SMC1B: variants seen among roughly 807,000 people sequenced by gnomAD.
SMC1B encodes the protein structural maintenance of chromosomes protein 1B.
Under a neutral mutation model 157.9 loss-of-function variants are expected in SMC1B, and 60 were observed. The ratio of observed to expected loss-of-function variants is 0.38; its 90% CI spans 0.31 to 0.47. The LOEUF (loss-of-function observed/expected upper bound fraction) is 0.47. SMC1B is among the 20% of genes least tolerant of loss of function. SMC1B has a pLI of 0.99. For synonymous variants in SMC1B, 445 were observed against 483.0 expected (o/e 0.92, Z 1.03); for missense variants, 1,165 against 1,426.2 (o/e 0.82, Z 2.95).
intron 5 of SMC1B, among the ~76,000 whole-genome samples, chr22:45,402,073 C>A (rs2087201767): frequency 1.3e-5 from 2 of 151,982 alleles, no homozygotes; most frequent in African/African-American, 4.8e-5. Flanking sequence ...TTAGTAGAGA[C>A]GGGGTTTCAC....
rs368003671 is a variant in SMC1B at position 45,393,880 on chromosome 22, C to G, written c.1338-39G>C. ...ACAAATTATACAGCAAAATGATAAA[C>G]CAAAATTTAGGAATTACCAGGTACA... is the stretch of plus-strand genomic sequence containing the variant. On this transcript the variant is annotated intron_variant, in intron 8 of 24. Transcript: ENST00000357450. 94 of 1,490,284 alleles carry G rather than the reference C, an allele frequency of 6.3e-5. No individual in the cohort carries two copies. The African/African-American group carries it at 1.0e-3, about 16-fold the overall frequency. The allele number at this position is 1,490,284 out of a possible 1,614,324, so 92.3% of individuals were successfully genotyped here. A position where few individuals can be genotyped will look rare whatever the true frequency, so the allele number is the denominator to read the frequency against.
chr22:45,366,689 G>A (rs6006735), intron 15 of SMC1B, among the ~76,000 whole-genome samples: 1,885 of 152,304 alleles, frequency 0.012, 40 homozygotes, highest in African/African-American at 0.043. Flanking sequence ...CCTGAGGTCA[G>A]GAGTTTGAGA....
chr22:45,345,309 CCAG>C (rs1197018203), intron 24 of SMC1B, 147 bp downstream of exon 24: 39 of 527,802 alleles, frequency 7.4e-5, no homozygotes, highest in South Asian at 1.5e-4. Flanking sequence ...TAGGAAAGCA[CCAG>C]TAGTTATTTT....
At chr22:45,401,147 G>A (rs2087188010) in intron 5 of SMC1B, among the ~76,000 whole-genome samples, 1 of 152,182 alleles carries the variant, frequency 6.6e-6, no homozygotes. Context: ...TTCTGACAAT[G>A]TATCATAATA....
At position 45,386,754 on chromosome 22, in the gene SMC1B, G is replaced by GA. The variant is rs1419250917; in HGVS notation, c.1911+112dup. 2.9e-5 allele frequency: 27 copies of GA among 944,326 alleles called. No individual in the cohort carries two copies. The African/African-American group carries it at 3.4e-4, about 12-fold the overall frequency. The allele number at this position is 944,326 out of a possible 1,614,324, so 58.5% of individuals were successfully genotyped here. A position where few individuals can be genotyped will look rare whatever the true frequency, so the allele number is the denominator to read the frequency against. On this transcript the variant is annotated intron_variant, in intron 11 of 24. Transcript: ENST00000357450. ...TTAGGTTCTATGTTGGTTCTCTTTA[G>GA]AAAAAAGAACACATAAAACGCATAT...
intron 9 of SMC1B, among the ~76,000 whole-genome samples, chr22:45,392,148 C>T (rs932802453): frequency 3.3e-5 from 5 of 152,020 alleles, no homozygotes; most frequent in Admixed American, 1.3e-4. Flanking sequence ...AGTGTTTCAC[C>T]GTGTTGGCCA....
At chr22:45,382,626 C>T (rs1425212148) in intron 12 of SMC1B, among the ~76,000 whole-genome samples, 1 of 94,850 alleles carries the variant, frequency 1.1e-5, no homozygotes, top group Non-Finnish European at 2.1e-5. Flanking sequence ...AATTATATTC[C>T]ACCTGAAGCT....
chr22:45,344,809 G>C, intron 24 of SMC1B, 152 bp from the exon 25 acceptor site: 2 of 509,754 alleles, frequency 3.9e-6, no homozygotes, highest in Non-Finnish European at 7.0e-6. Flanking sequence ...GGGTTTTTTT[G>C]GTATTATCTG....
intron 11 of SMC1B, among the ~76,000 whole-genome samples, chr22:45,385,418 G>A (rs1470257509): frequency 6.6e-6 from 1 of 152,076 alleles, no homozygotes; most frequent in African/African-American, 2.4e-5. Context: ...TTCACCAGAT[G>A]ATTTCTGTGA....
intron 24 of SMC1B, among the ~76,000 whole-genome samples, 174 bp downstream of exon 24, chr22:45,345,285 C>A (rs2086539081): frequency 6.6e-6 from 1 of 152,132 alleles, no homozygotes; most frequent in Non-Finnish European, 1.5e-5. Flanking sequence ...TATCTTCAAT[C>A]TCTATGTATT....
intron 19 of SMC1B, 128 bp from the exon 20 acceptor site, chr22:45,355,243 C>T: frequency 1.2e-6 from 1 of 854,060 alleles, no homozygotes; most frequent in Non-Finnish European, 1.9e-6. Flanking sequence ...CCCCAAAGCC[C>T]TCTCTGAGCC....
At chr22:45,361,316 G>A (rs1487490353) in intron 17 of SMC1B, among the ~76,000 whole-genome samples, 1 of 152,156 alleles carries the variant, frequency 6.6e-6, no homozygotes, top group African/African-American at 2.4e-5. Flanking sequence ...CCAACAAAAA[G>A]AACTATTTGC....
intron 23 of SMC1B, 27 bp downstream of exon 23, chr22:45,349,701 T>C: frequency 6.4e-7 from 1 of 1,573,450 alleles, no homozygotes; most frequent in Non-Finnish European, 8.7e-7. Context: ...GTAGACAGTC[T>C]ATTGAAAATG....
At chr22:45,373,117 T>A (rs2086851230) in intron 12 of SMC1B, among the ~76,000 whole-genome samples, 1 of 152,210 alleles carries the variant, frequency 6.6e-6, no homozygotes, top group Non-Finnish European at 1.5e-5. Flanking sequence ...TCCCAGTTCT[T>A]CTGCCTTTCT....
At chr22:45,403,451 T>TGTTG (rs1040793220) in intron 4 of SMC1B, among the ~76,000 whole-genome samples, 1 of 46,178 alleles carries the variant, frequency 2.2e-5, no homozygotes, top group African/African-American at 4.1e-4. Context: ...TCCCTGATCC[T>TGTTG]GTTTGTTTGT....
At chr22:45,367,538 T>G (rs889052535) in intron 15 of SMC1B, among the ~76,000 whole-genome samples, 1 of 152,206 alleles carries the variant, frequency 6.6e-6, no homozygotes, top group Non-Finnish European at 1.5e-5. Context: ...GGTGTCTCCT[T>G]TGACCAAGTT....
intron 6 of SMC1B, among the ~76,000 whole-genome samples, 185 bp from the exon 7 acceptor site, chr22:45,396,671 A>C (rs1296382148): frequency 1.3e-5 from 2 of 151,614 alleles, no homozygotes; most frequent in South Asian, 2.1e-4. Flanking sequence ...CTTTAAAAAA[A>C]CTGTTTATTA....
At chr22:45,360,225 T>A (rs2086708215) in intron 17 of SMC1B, among the ~76,000 whole-genome samples, 1 of 152,188 alleles carries the variant, frequency 6.6e-6, no homozygotes, top group African/African-American at 2.4e-5. Flanking sequence ...AGTGCTTTCC[T>A]CACTCAAATA....
intron 9 of SMC1B, 52 bp from the exon 10 acceptor site, chr22:45,389,949 T>C (rs758957297): frequency 3.5e-6 from 5 of 1,434,538 alleles, no homozygotes; most frequent in Non-Finnish European, 3.8e-6. Context: ...GAGTGAAATA[T>C]ATAATTCATT....
Sources: allele counts gnomAD v4.1 joint callset (sites outside exome capture counted in the v4.1 genomes callset), GRCh38; gene constraint gnomAD v4.1.1; transcripts MANE v1.5; gene names NCBI Gene and HGNC (gene_info 2026-07-23, HGNC 2026-07-21).